TIMM23B: variants seen among roughly 807,000 people sequenced by gnomAD.
The protein encoded by TIMM23B is translocase of inner mitochondrial membrane 23 homolog B, also known as mitochondrial import inner membrane translocase subunit Tim23B.
A neutral mutation model predicts 27.3 loss-of-function variants in TIMM23B; 27 were observed. The ratio of observed to expected loss-of-function variants is 0.99; its 90% CI spans 0.73 to 1.36. TIMM23B has a LOEUF of 1.36. TIMM23B is among the 40% of genes most tolerant of loss of function. The pLI is 0.00. For synonymous variants in TIMM23B, 73 were observed against 92.4 expected (o/e 0.79, Z 1.21); for missense variants, 205 against 244.2 (o/e 0.84, Z 1.07).
At chr10:49,943,183 T>G (rs1173653503) in intron 1 of TIMM23B, 1 of 152,144 alleles carries the variant, frequency 6.6e-6, no homozygotes, top group Non-Finnish European at 1.5e-5. Flanking sequence ...GTCAAAAAAC[T>G]GAATCTACAA....
chr10:49,951,803 C>T (rs1839538150), intron 2 of TIMM23B, among the ~76,000 whole-genome samples: 2 of 152,192 alleles, frequency 1.3e-5, no homozygotes, highest in South Asian at 4.1e-4. Flanking sequence ...GACTGGTTGT[C>T]TGTTCTGTTC....
At chr10:49,970,788 G>GT (rs1840406988) in intron 6 of TIMM23B, among the ~76,000 whole-genome samples, 3 of 152,228 alleles carry the variant, frequency 2.0e-5, no homozygotes, top group Non-Finnish European at 4.4e-5. Context: ...TCTGGGAAGT[G>GT]AGGAGCCCCT....
rs538241635 is a variant in TIMM23B at position 49,965,880 on chromosome 10, G to A, written c.515-7132G>A. On this transcript the variant is annotated intron_variant, in intron 6 of 6. Coordinates refer to ENST00000651259, the MANE Select transcript of TIMM23B (RefSeq NM_001290117.2). ...AATGGAATAATGAAATGCTGGGTGCGGTGGCGCACTCCAGCCTGGGCAATA... is the reference window on the plus strand; with the variant it reads ...AATGGAATAATGAAATGCTGGGTGCAGTGGCGCACTCCAGCCTGGGCAATA... 5.3e-5 allele frequency among the ~76,000 whole-genome samples: 8 copies of A among 150,468 alleles called. No homozygotes were observed. The East Asian group carries it at 1.4e-3, about 26-fold the overall frequency.
chr10:49,947,052 G>A (rs1166497218), intron 2 of TIMM23B, among the ~76,000 whole-genome samples: 2 of 152,254 alleles, frequency 1.3e-5, no homozygotes, highest in East Asian at 3.9e-4. Context: ...GGAGACGTTA[G>A]GACAACTGGA....
intron 6 of TIMM23B, among the ~76,000 whole-genome samples, chr10:49,969,374 C>A (rs1358227522): frequency 6.8e-6 from 1 of 146,364 alleles, no homozygotes; most frequent in Non-Finnish European, 1.5e-5. Flanking sequence ...GAGGTCAAAG[C>A]TGCAGTGTGC....
chr10:49,961,586 G>C (rs1564685499), intron 6 of TIMM23B, among the ~76,000 whole-genome samples: 1 of 150,520 alleles, frequency 6.6e-6, no homozygotes, highest in Admixed American at 6.7e-5. Context: ...CAAGACTAAA[G>C]TCACTAAAAT....
chr10:49,942,389 T>A, intron 1 of TIMM23B, 89 bp downstream of exon 1: 1 of 1,547,706 alleles, frequency 6.5e-7, no homozygotes, highest in Non-Finnish European at 8.7e-7. Flanking sequence ...GTTGTTGGTT[T>A]TTTTTTCCTT....
intron 4 of TIMM23B, among the ~76,000 whole-genome samples, chr10:49,954,652 T>G (rs1839654452): frequency 6.6e-6 from 1 of 151,522 alleles, no homozygotes; most frequent in East Asian, 1.9e-4. Flanking sequence ...CTCTGTAAGA[T>G]ACATTCCAGG....
rs1262411698 is a variant in TIMM23B, at chr10:49,964,422, C to T, written c.514+5942C>T. Reference sequence around the variant, plus strand: ...GCGCAGTCCAGCCTGGGTGATAGAGCGAGTCTCTGTCTTGAAATGAAATGA... The same window carrying T: ...GCGCAGTCCAGCCTGGGTGATAGAGTGAGTCTCTGTCTTGAAATGAAATGA... On this transcript the variant is annotated intron_variant, in intron 6 of 6. Coordinates refer to ENST00000651259, the MANE Select transcript of TIMM23B (RefSeq NM_001290117.2). 1.1e-4 allele frequency among the ~76,000 whole-genome samples: 16 copies of T among 149,040 alleles called. 1 individual carries two copies. Among genetic ancestry groups the T allele is most frequent in the African/African-American group, 3.7e-4 (15 of 40,254 alleles).
chr10:49,948,403 A>G (rs1175636917), intron 2 of TIMM23B, among the ~76,000 whole-genome samples: 2 of 152,162 alleles, frequency 1.3e-5, no homozygotes, highest in African/African-American at 4.8e-5. Flanking sequence ...CTCTGTGCAC[A>G]TAAGTTGTAA....
intron 6 of TIMM23B, among the ~76,000 whole-genome samples, chr10:49,969,719 A>G (rs551609297): frequency 3.6e-4 from 54 of 152,002 alleles, no homozygotes; most frequent in Non-Finnish European, 5.2e-4. Context: ...ATAGAATATT[A>G]TTCTGCCTTT....
intron 4 of TIMM23B, among the ~76,000 whole-genome samples, chr10:49,953,323 A>C (rs1839602750): frequency 6.6e-6 from 1 of 152,168 alleles, no homozygotes; most frequent in Non-Finnish European, 1.5e-5. Flanking sequence ...GAATTAGACC[A>C]TGGGAAACTG....
chr10:49,956,530 A>C lies in TIMM23B; in HGVS notation c.403+1470A>C, dbSNP rs1455376009. Among the ~76,000 whole-genome samples the C allele has an allele frequency of 2.6e-4, 38 of 145,524 alleles. 1 individual carries two copies. Among genetic ancestry groups the C allele is most frequent in the African/African-American group, 9.3e-4 (38 of 40,822 alleles). ...GGTAGCATATAAATGAAAATTTTAA[A>C]TATTCTTCCTGAGACTTCCTAGCGG... On this transcript the variant is annotated intron_variant, in intron 5 of 6. Transcript: ENST00000651259.
intron 6 of TIMM23B, among the ~76,000 whole-genome samples, chr10:49,963,124 C>T (rs1166255532): frequency 2.0e-5 from 3 of 151,848 alleles, no homozygotes; most frequent in African/African-American, 7.3e-5. Flanking sequence ...AACTCCCGAC[C>T]TCAGGTTGCA....
chr10:49,968,745 G>A (rs1388251739), intron 6 of TIMM23B, among the ~76,000 whole-genome samples: 6 of 152,100 alleles, frequency 3.9e-5, no homozygotes, highest in African/African-American at 1.2e-4. Context: ...TGAGACAGGA[G>A]AATGGCGTGA....
intron 2 of TIMM23B, among the ~76,000 whole-genome samples, chr10:49,946,171 C>G (rs1359937537): frequency 0.19 from 27,763 of 146,264 alleles, 3,190 homozygotes; most frequent in Non-Finnish European, 0.27. Flanking sequence ...GCCTGGGCAA[C>G]AGAGTAAGAC....
chr10:49,967,673 T>C (rs1351523352), intron 6 of TIMM23B, among the ~76,000 whole-genome samples: 1 of 152,200 alleles, frequency 6.6e-6, no homozygotes, highest in Non-Finnish European at 1.5e-5. Context: ...TAATTTATGT[T>C]GGAGGTGTTC....
chr10:49,942,572 A>C (rs1247373989), intron 1 of TIMM23B, among the ~76,000 whole-genome samples: 1 of 152,220 alleles, frequency 6.6e-6, no homozygotes, highest in Non-Finnish European at 1.5e-5. Context: ...CAAGCCTCGT[A>C]CGTTTTGTGT....
intron 5 of TIMM23B, among the ~76,000 whole-genome samples, chr10:49,957,470 G>A (rs1839765278): frequency 6.6e-6 from 1 of 151,938 alleles, no homozygotes; most frequent in Non-Finnish European, 1.5e-5. Context: ...TGCCCAGACT[G>A]GTCTCTGACT....
Sources: allele counts gnomAD v4.1 joint callset (sites outside exome capture counted in the v4.1 genomes callset), GRCh38; gene constraint gnomAD v4.1.1; transcripts MANE v1.5; gene names NCBI Gene and HGNC (gene_info 2026-07-23, HGNC 2026-07-21).